Variants in RBFOX1 observed in about 807,000 individuals in gnomAD.
The protein encoded by RBFOX1 is RNA binding protein fox-1 homolog 1.
RBFOX1 carries 8 observed loss-of-function variants against 57.7 expected under a neutral mutation model. The ratio of observed to expected loss-of-function variants is 0.14; its 90% CI spans 0.08 to 0.25. The LOEUF (loss-of-function observed/expected upper bound fraction) is 0.25. RBFOX1 is among the 10% of genes least tolerant of loss of function. The probability of loss-of-function intolerance (pLI) is 1.00; values close to 1 mark genes in which losing one functional copy is unlikely to be tolerated. For synonymous variants in RBFOX1, 326 were observed against 222.4 expected, an observed-to-expected ratio of 1.47 and a Z score of -4.15; for missense variants, 611 against 548.5, an observed-to-expected ratio of 1.11 and a Z score of -1.14.
intron 4 of RBFOX1, among the ~76,000 whole-genome samples, chr16:7,128,066 C>T (rs2069089108): frequency 1.3e-5 from 2 of 152,170 alleles, no homozygotes. Context: ...GCAAATTCTT[C>T]CTTAATGGGG....
chr16:7,491,053 A>G (rs2066808097), intron 4 of RBFOX1, among the ~76,000 whole-genome samples: 1 of 152,142 alleles, frequency 6.6e-6, no homozygotes, highest in Admixed American at 6.5e-5. Context: ...TTCTAAAGAG[A>G]CAACCAAATG....
intron 1 of RBFOX1, among the ~76,000 whole-genome samples, chr16:5,279,954 C>T (rs1314581939): frequency 1.3e-5 from 2 of 152,162 alleles, no homozygotes; most frequent in Non-Finnish European, 2.9e-5. Flanking sequence ...ATCACTCTGG[C>T]TTGGATGTGC....
rs184525203 is a variant in RBFOX1 at position 5,394,419 on chromosome 16, T to C, written c.220-72797T>C. ...TGATTTTCTGATCTTCCCCAAATCATTGTGCTTTTCTGATGATCCATTTCT... is the reference window on the plus strand; with the variant it reads ...TGATTTTCTGATCTTCCCCAAATCACTGTGCTTTTCTGATGATCCATTTCT... On this transcript the variant is annotated intron_variant, in intron 1 of 2. Transcript: ENST00000585867. 2.6e-4 allele frequency among the ~76,000 whole-genome samples: 40 copies of C among 152,310 alleles called. 1 individual carries two copies. Among genetic ancestry groups the C allele is most frequent in the African/African-American group, 8.4e-4 (35 of 41,578 alleles).
chr16:7,341,302 C>T (rs1410106741), intron 4 of RBFOX1, among the ~76,000 whole-genome samples: 1 of 152,136 alleles, frequency 6.6e-6, no homozygotes, highest in Non-Finnish European at 1.5e-5. Flanking sequence ...TGGTCACTGT[C>T]TAGATTGAGC....
chr16:6,651,820 C>T (rs1164121075), intron 2 of RBFOX1, among the ~76,000 whole-genome samples: 1 of 152,306 alleles, frequency 6.6e-6, no homozygotes, highest in Non-Finnish European at 1.5e-5. Context: ...TATCTATCCA[C>T]AGATGGCGCT....
intron 8 of RBFOX1, among the ~76,000 whole-genome samples, chr16:7,596,167 C>T (rs1201094075): frequency 9.3e-6 from 1 of 107,794 alleles, no homozygotes. Context: ...TTTACTAAAC[C>T]TCTCGTTTTT....
At chr16:6,832,496 G>C (rs2092779031) in intron 3 of RBFOX1, among the ~76,000 whole-genome samples, 1 of 152,142 alleles carries the variant, frequency 6.6e-6, no homozygotes, top group South Asian at 2.1e-4. Context: ...ACACCTATTG[G>C]GTATTATCTT....
intron 3 of RBFOX1, among the ~76,000 whole-genome samples, chr16:6,748,283 A>C (rs574326472): frequency 2.0e-5 from 3 of 151,692 alleles, no homozygotes; most frequent in Non-Finnish European, 4.4e-5. Flanking sequence ...CTCTCTCTCT[A>C]CACACACACA....
chr16:6,723,291 A>T (rs1449370790), intron 3 of RBFOX1, among the ~76,000 whole-genome samples: 1 of 152,222 alleles, frequency 6.6e-6, no homozygotes, highest in Non-Finnish European at 1.5e-5. Context: ...CAATCATTTA[A>T]TATAGGCACC....
chr16:7,506,417 G>A (rs2151951067), intron 4 of RBFOX1, among the ~76,000 whole-genome samples: 1 of 152,162 alleles, frequency 6.6e-6, no homozygotes, highest in African/African-American at 2.4e-5. Flanking sequence ...TATGCGGTGT[G>A]TTGGATTCTT....
intron 4 of RBFOX1, among the ~76,000 whole-genome samples, chr16:7,098,586 T>A (rs1395763183): frequency 6.6e-6 from 1 of 152,208 alleles, no homozygotes; most frequent in African/African-American, 2.4e-5. Context: ...CATTCGGTTA[T>A]AATGTATTGG....
At chr16:6,763,468 C>A (rs1302476522) in intron 3 of RBFOX1, among the ~76,000 whole-genome samples, 1 of 152,194 alleles carries the variant, frequency 6.6e-6, no homozygotes, top group African/African-American at 2.4e-5. Flanking sequence ...GGATATTTCA[C>A]AAGCGTAATG....
intron 4 of RBFOX1, among the ~76,000 whole-genome samples, chr16:7,393,822 C>G (rs1293337612): frequency 6.6e-6 from 1 of 152,144 alleles, no homozygotes; most frequent in Non-Finnish European, 1.5e-5. Context: ...GTGAATCATG[C>G]CAGCCAAGTC....
At chr16:5,398,869 G>C (rs138433695) in intron 1 of RBFOX1, among the ~76,000 whole-genome samples, 12 of 152,302 alleles carry the variant, frequency 7.9e-5, no homozygotes, top group Middle Eastern at 3.4e-3. Context: ...GGCGTAACCC[G>C]CAGCATCCAG....
intron 1 of RBFOX1, among the ~76,000 whole-genome samples, chr16:5,449,602 A>G (rs1180244898): frequency 6.6e-6 from 1 of 151,994 alleles, no homozygotes; most frequent in Non-Finnish European, 1.5e-5. Flanking sequence ...ATAGAACTAC[A>G]TGTTTCACCT....
At chr16:5,790,746 C>T (rs546956894) in intron 3 of RBFOX1, among the ~76,000 whole-genome samples, 80 of 152,192 alleles carry the variant, frequency 5.3e-4, no homozygotes, top group African/African-American at 1.8e-3. Context: ...GTGCTGGGTG[C>T]GTGCTCTGCA....
At chr16:6,615,567 C>G (rs1214217030) in intron 2 of RBFOX1, among the ~76,000 whole-genome samples, 1 of 145,644 alleles carries the variant, frequency 6.9e-6, no homozygotes, top group Non-Finnish European at 1.5e-5. Context: ...GAATCTCCAT[C>G]TAAAAAAAAA....
At chr16:6,504,346 TCAGA>T (rs1195953361) in intron 2 of RBFOX1, among the ~76,000 whole-genome samples, 2 of 152,242 alleles carry the variant, frequency 1.3e-5, no homozygotes, top group Admixed American at 6.5e-5. Flanking sequence ...CCCTTCACCA[TCAGA>T]CAGTTTATTT....
At chr16:7,089,268 T>C (rs1334174946) in intron 4 of RBFOX1, among the ~76,000 whole-genome samples, 1 of 152,210 alleles carries the variant, frequency 6.6e-6, no homozygotes, top group Admixed American at 6.5e-5. Context: ...TTTTGAAATA[T>C]AAAATCACTA....
Sources: allele counts gnomAD v4.1 joint callset (sites outside exome capture counted in the v4.1 genomes callset), GRCh38; gene constraint gnomAD v4.1.1; transcripts MANE v1.5; gene names NCBI Gene and HGNC (gene_info 2026-07-23, HGNC 2026-07-21).